The following TJP2 variants were observed in gnomAD, a reference collection of about 807,000 sequenced individuals.
TJP2 encodes the protein Friedreich ataxia region gene X104 (tight junction protein ZO-2).
Under a neutral mutation model 133.1 loss-of-function variants are expected in TJP2, and 91 were observed. The observed-to-expected ratio is 0.68, with a 90% confidence interval of 0.58 to 0.81. The LOEUF is 0.81. Ranked by LOEUF, TJP2 falls within the 40% of genes least tolerant of loss-of-function variation. The pLI, the probability that TJP2 is intolerant of heterozygous loss-of-function variation, is 0.00. For missense variants in TJP2, 1,541 were observed against 1,565.6 expected (o/e 0.98, Z 0.26); for synonymous variants, 592 against 583.4 (o/e 1.01, Z -0.21).
In TJP2 at chr9:69,185,923, G is replaced by A. The variant is rs192051291; in HGVS notation, c.60+11491G>A. Among the ~76,000 whole-genome samples the A allele has an allele frequency of 3.0e-3, 438 of 145,308 alleles. 5 individuals carry two copies. The highest frequency in any genetic ancestry group is 0.01 in the African/African-American group (411 of 39,272). On this transcript the variant is annotated intron_variant, in intron 1 of 22. Coordinates refer to ENST00000377245, the MANE Select transcript of TJP2 (RefSeq NM_004817.4). ...TTTTTTTGGAGACGGAGTCTCGGTT[G>A]CGCCTGGCTAATTTTTTGTATTTTT...
At chr9:69,202,703 G>C (rs906209324) in intron 1 of TJP2, among the ~76,000 whole-genome samples, 17 of 152,152 alleles carry the variant, frequency 1.1e-4, no homozygotes, top group Admixed American at 1.0e-3. Context: ...TTCATGTTGA[G>C]TAGGCTGAGG....
At chr9:69,164,549 T>C (rs1266435548) in intron 2 of TJP2, among the ~76,000 whole-genome samples, 2 of 152,354 alleles carry the variant, frequency 1.3e-5, no homozygotes, top group African/African-American at 2.4e-5. Context: ...GATTCTCTCG[T>C]TGGAGTCAAA....
intron 20 of TJP2, among the ~76,000 whole-genome samples, chr9:69,250,066 A>G (rs1268782658): frequency 6.6e-6 from 1 of 152,178 alleles, no homozygotes; most frequent in Non-Finnish European, 1.5e-5. Context: ...TTTTCCTTAT[A>G]CCAGAATAAA....
intron 2 of TJP2, among the ~76,000 whole-genome samples, chr9:69,156,435 T>A (rs1395964752): frequency 6.6e-6 from 1 of 151,664 alleles, no homozygotes; most frequent in Non-Finnish European, 1.5e-5. Flanking sequence ...GCTCAGGAGG[T>A]CCTAACGACA....
chr9:69,205,582 G>C (rs1827336350), intron 1 of TJP2, among the ~76,000 whole-genome samples: 1 of 152,058 alleles, frequency 6.6e-6, no homozygotes, highest in Non-Finnish European at 1.5e-5. Flanking sequence ...TCTTGTTTTG[G>C]GATAAAACTT....
At chr9:69,154,251 A>T (rs1314691911) in intron 2 of TJP2, among the ~76,000 whole-genome samples, 1 of 152,214 alleles carries the variant, frequency 6.6e-6, no homozygotes, top group Non-Finnish European at 1.5e-5. Context: ...ATCAATTGCT[A>T]GGTGGCTGCC....
Position 69,174,357 on chromosome 9 carries a change from G to A in TJP2, c.-16G>A. 6.4e-7 allele frequency: 1 copy of A among 1,551,550 alleles called. No individual in the cohort carries two copies. The highest frequency in any genetic ancestry group is 8.7e-7 in the Non-Finnish European group (1 of 1,146,978). ...GGGGTCCGGAGCTGCGCGCCTACGC[G>A]GGACCTGTGTCCGAAATGCCGGTGC... On this transcript the variant is annotated 5_prime_UTR_variant, in exon 1 of 23. Transcript: ENST00000377245.
At chr9:69,181,123 CAAA>C (rs999031175) in intron 1 of TJP2, among the ~76,000 whole-genome samples, 7 of 150,784 alleles carry the variant, frequency 4.6e-5, no homozygotes, top group African/African-American at 1.7e-4. Flanking sequence ...GAATTTTGTC[CAAA>C]AAAAATTATA....
At chr9:69,230,401 T>A (rs910718829) in intron 11 of TJP2, among the ~76,000 whole-genome samples, 169 bp downstream of exon 11, 2 of 152,212 alleles carry the variant, frequency 1.3e-5, no homozygotes, top group Non-Finnish European at 2.9e-5. Context: ...CGTCCTGTCT[T>A]CTCAGTCTTG....
chr9:69,201,166 C>G (rs1826961044), intron 1 of TJP2, among the ~76,000 whole-genome samples: 1 of 152,138 alleles, frequency 6.6e-6, no homozygotes. Flanking sequence ...GTCCACAGGG[C>G]CAGGTGCATG....
chr9:69,222,555 A>C (rs988955578), intron 5 of TJP2, among the ~76,000 whole-genome samples: 1 of 152,164 alleles, frequency 6.6e-6, no homozygotes, highest in African/African-American at 2.4e-5. Flanking sequence ...CCTCAGAACT[A>C]CCTCATGAGG....
intron 2 of TJP2, among the ~76,000 whole-genome samples, chr9:69,164,831 T>C (rs752273520): frequency 6.6e-6 from 1 of 151,936 alleles, no homozygotes; most frequent in Non-Finnish European, 1.5e-5. Context: ...TGGACCTGGA[T>C]TTTTTTTCTT....
chr9:69,149,079 CTT>C (rs1823351087), intron 1 of TJP2, among the ~76,000 whole-genome samples: 1 of 152,142 alleles, frequency 6.6e-6, no homozygotes, highest in East Asian at 1.9e-4. Flanking sequence ...TATTTTATTT[CTT>C]TCTGCCAAAT....
chr9:69,205,443 A>G, intron 1 of TJP2: 13 of 1,021,170 alleles, frequency 1.3e-5, no homozygotes, highest in Non-Finnish European at 1.8e-5. Flanking sequence ...TCTATGTGAA[A>G]CTGATAGCCT....
Position 69,227,791 on chromosome 9 carries a change from T to A in TJP2, c.1237T>A (p.Ser413Thr). 2 of 1,612,720 alleles carry A rather than the reference T, an allele frequency of 1.2e-6. No individual in the cohort carries two copies. Among genetic ancestry groups the A allele is most frequent in the Non-Finnish European group, 1.7e-6 (2 of 1,178,894 alleles). ...TATTTCAGAAATAGAGTCAAACCGATCATTTTCTCCAGAGGAGAGACGTCA... is the reference window on the plus strand; with the variant it reads ...TATTTCAGAAATAGAGTCAAACCGAACATTTTCTCCAGAGGAGAGACGTCA... ...EDISEIESNRSFSPEERRHQY... is the reference protein window; with the variant it reads ...EDISEIESNRTFSPEERRHQY... The change falls in exon 8 of 23, where the codon TCA (serine) becomes ACA (threonine). Residue 413 changes from serine (S) to threonine (T), a missense_variant. Coordinates refer to ENST00000377245, the MANE Select transcript of TJP2 (RefSeq NM_004817.4).
intron 11 of TJP2, among the ~76,000 whole-genome samples, chr9:69,233,315 A>G (rs1429066967): frequency 6.6e-6 from 1 of 152,184 alleles, no homozygotes; most frequent in Non-Finnish European, 1.5e-5. Context: ...ATAAAGCATT[A>G]CTCTTGTGAT....
chr9:69,235,742 G>A (rs1248161493), intron 12 of TJP2, among the ~76,000 whole-genome samples: 5 of 152,264 alleles, frequency 3.3e-5, no homozygotes, highest in Admixed American at 6.5e-5. Flanking sequence ...CCATTTATAC[G>A]TGACTGTCAT....
chr9:69,237,805 T>C, intron 14 of TJP2, 73 bp from the exon 15 acceptor site: 2 of 1,070,624 alleles, frequency 1.9e-6, no homozygotes, highest in Non-Finnish European at 2.9e-6. Flanking sequence ...CAAAAGCCCA[T>C]ACAATACTTT....
At chr9:69,205,666 T>C (rs1434428645) in intron 1 of TJP2, among the ~76,000 whole-genome samples, 1 of 152,256 alleles carries the variant, frequency 6.6e-6, no homozygotes, top group Non-Finnish European at 1.5e-5. Flanking sequence ...AAAGTGTTTT[T>C]CACATGTTCT....
Sources: gnomAD v4.1 joint callset for allele counts (sites outside exome capture counted in the v4.1 genomes callset) on GRCh38, gnomAD v4.1.1 for gene constraint, MANE v1.5 for transcripts, NCBI Gene and HGNC (gene_info 2026-07-23, HGNC 2026-07-21) for gene names.